The following BICC1 variants were observed in gnomAD, a reference collection of about 807,000 sequenced individuals.
BICC1 encodes the protein BicC family RNA binding protein 1, also known as protein bicaudal C homolog 1.
In BICC1, 43 loss-of-function variants were observed where a neutral mutation model predicts 111.0. The observed-to-expected ratio is 0.39, with a 90% CI of 0.30 to 0.50. BICC1 has a LOEUF of 0.50. BICC1 is among the 20% of genes least tolerant of loss of function. The probability of loss-of-function intolerance (pLI) is 0.88; values close to 1 mark genes in which losing one functional copy is unlikely to be tolerated. For synonymous variants in BICC1, 467 were observed against 434.4 expected (o/e 1.07, Z -0.93); for missense variants, 1,091 against 1,203.2 (o/e 0.91, Z 1.38).
intron 1 of BICC1, among the ~76,000 whole-genome samples, chr10:58,521,417 C>T (rs1443687993): frequency 1.3e-5 from 2 of 152,064 alleles, no homozygotes; most frequent in Admixed American, 1.3e-4. Flanking sequence ...GCCTAAAAGC[C>T]TTTTATGCAT....
chr10:58,566,194 G>T (rs2393441), intron 1 of BICC1, among the ~76,000 whole-genome samples: 13,142 of 150,640 alleles, frequency 0.087, 685 homozygotes, highest in Middle Eastern at 0.12. Context: ...GTGTATATGT[G>T]TGTATACACA....
intron 1 of BICC1, among the ~76,000 whole-genome samples, chr10:58,606,673 G>C (rs1020847110): frequency 6.6e-6 from 1 of 152,040 alleles, no homozygotes. Flanking sequence ...AATCGCCTGT[G>C]ACTTGTTTTT....
intron 1 of BICC1, among the ~76,000 whole-genome samples, chr10:58,587,878 T>C (rs1844481429): frequency 6.6e-6 from 1 of 152,226 alleles, no homozygotes; most frequent in Non-Finnish European, 1.5e-5. Context: ...GGGTTGTTTG[T>C]ATTTTCTGTG....
chr10:58,537,260 C>A (rs1267715982), intron 1 of BICC1, among the ~76,000 whole-genome samples: 1 of 151,204 alleles, frequency 6.6e-6, no homozygotes, highest in East Asian at 1.9e-4. Flanking sequence ...AAGAACCTAG[C>A]AAAATAAGAA....
At chr10:58,633,237 T>C (rs7076145) in intron 2 of BICC1, among the ~76,000 whole-genome samples, 150,302 of 152,336 alleles carry the variant, frequency 0.99, 74,168 homozygotes, top group East Asian at 1. Context: ...GTGAGGCCTC[T>C]GCAGCCATGT....
chr10:58,749,634 A>G (rs371672447), intron 3 of BICC1, among the ~76,000 whole-genome samples: 12 of 152,150 alleles, frequency 7.9e-5, no homozygotes, highest in African/African-American at 2.4e-4. Flanking sequence ...TTTAAAAAGT[A>G]GATACTCATT....
At chr10:58,784,667 C>T (rs938218172) in intron 3 of BICC1, among the ~76,000 whole-genome samples, 1 of 141,486 alleles carries the variant, frequency 7.1e-6, no homozygotes, top group Non-Finnish European at 1.5e-5. Flanking sequence ...GTAGCAGAAG[C>T]TCAATTAATA....
intron 3 of BICC1, among the ~76,000 whole-genome samples, chr10:58,767,021 C>G (rs951484712): frequency 6.6e-6 from 1 of 152,164 alleles, no homozygotes; most frequent in Non-Finnish European, 1.5e-5. Context: ...CTGACTGCAT[C>G]TCAGACTCCA....
At position 58,714,871 on chromosome 10, in the gene BICC1, T is replaced by TA. The variant is rs544106801; in HGVS notation, c.307+12745dup. ...ACACTGTGTGGCATTTCTCATTAGCTAAAAAAAAAAAAAAAAAGATAGTGG... is the reference window on the plus strand; with the variant it reads ...ACACTGTGTGGCATTTCTCATTAGCTAAAAAAAAAAAAAAAAAAGATAGTGG... On this transcript the variant is annotated intron_variant, in intron 3 of 20. Transcript: ENST00000373886. 9.9e-3 allele frequency among the ~76,000 whole-genome samples: 1,164 copies of TA among 117,644 alleles called. 9 individuals carry two copies. Among genetic ancestry groups the TA allele is most frequent in the African/African-American group, 0.029 (941 of 32,066 alleles). The allele number at this position is 117,644 out of a possible 152,430, so 77.2% of individuals were successfully genotyped here.
At chr10:58,652,593 T>A (rs951356327) in intron 2 of BICC1, among the ~76,000 whole-genome samples, 1 of 152,196 alleles carries the variant, frequency 6.6e-6, no homozygotes, top group Non-Finnish European at 1.5e-5. Context: ...TTTGAAATTA[T>A]ACATCATTAT....
intron 3 of BICC1, among the ~76,000 whole-genome samples, chr10:58,722,581 G>A (rs1393123394): frequency 1.3e-5 from 2 of 152,130 alleles, no homozygotes; most frequent in African/African-American, 2.4e-5. Flanking sequence ...TCCGTGGTTA[G>A]CAAACCTCAT....
chr10:58,522,318 T>C (rs1632584), intron 1 of BICC1, among the ~76,000 whole-genome samples: 81,992 of 151,806 alleles, frequency 0.54, 23,196 homozygotes, highest in African/African-American at 0.71. Flanking sequence ...ATACACTCCT[T>C]AGCAAATGTA....
rs551286162 is a variant in BICC1 at position 58,653,671 on chromosome 10, T to A, written c.237+32770T>A. On this transcript the variant is annotated intron_variant, in intron 2 of 20. Transcript: ENST00000373886. ...GCAGTGCACATCCTTTTACAAGTAT[T>A]GTTCTTTCTTTTTTTTTTTATTATT... is the stretch of plus-strand genomic sequence containing the variant. Among the ~76,000 whole-genome samples the A allele has an allele frequency of 5.7e-3, 216 of 37,590 alleles. 1 individual carries two copies. The highest frequency in any genetic ancestry group is 0.018 in the African/African-American group (202 of 11,520). The allele number at this position is 37,590 out of a possible 152,430, so 24.7% of individuals were successfully genotyped here.
intron 2 of BICC1, among the ~76,000 whole-genome samples, chr10:58,690,233 A>G (rs993280449): frequency 1.3e-5 from 2 of 152,166 alleles, no homozygotes; most frequent in Non-Finnish European, 2.9e-5. Flanking sequence ...TGCTTTCCGC[A>G]TTTCCCAGCC....
At chr10:58,513,585 G>A (rs1474727726) in intron 1 of BICC1, among the ~76,000 whole-genome samples, 1 of 152,224 alleles carries the variant, frequency 6.6e-6, no homozygotes, top group Non-Finnish European at 1.5e-5. Flanking sequence ...AAAGCCGAAG[G>A]CCGAGTTTGT....
At chr10:58,575,959 A>T (rs1417638838) in intron 1 of BICC1, among the ~76,000 whole-genome samples, 1 of 152,196 alleles carries the variant, frequency 6.6e-6, no homozygotes, top group African/African-American at 2.4e-5. Flanking sequence ...TTGAGCATTT[A>T]TGCTAAGAAT....
rs1258540976 is a variant in BICC1 at position 58,621,335 on chromosome 10, G to T, written c.237+434G>T. On this transcript the variant is annotated intron_variant, in intron 2 of 20. Transcript: ENST00000373886. ...ATGTTCTACTGGCCAAATAGAATGT[G>T]CCAGACTGCTAGTTTTCCATCCTTT... Among the ~76,000 whole-genome samples the T allele has an allele frequency of 2.0e-5, 3 of 152,184 alleles. No homozygotes were observed. The East Asian group carries it at 5.8e-4, about 29-fold the overall frequency.
intron 2 of BICC1, among the ~76,000 whole-genome samples, chr10:58,649,432 C>T (rs764519106): frequency 1.3e-5 from 2 of 152,130 alleles, no homozygotes; most frequent in Non-Finnish European, 2.9e-5. Context: ...TAGTAAAGCC[C>T]AGCAACTAGA....
intron 3 of BICC1, among the ~76,000 whole-genome samples, chr10:58,724,137 T>G (rs1841024814): frequency 6.6e-6 from 1 of 152,218 alleles, no homozygotes; most frequent in South Asian, 2.1e-4. Flanking sequence ...CTAGCCAGTT[T>G]TGAAATGTTA....
Sources: gnomAD v4.1 joint callset for allele counts (sites outside exome capture counted in the v4.1 genomes callset) on GRCh38, gnomAD v4.1.1 for gene constraint, MANE v1.5 for transcripts, NCBI Gene and HGNC (gene_info 2026-07-23, HGNC 2026-07-21) for gene names.